KALRN: variants seen among roughly 807,000 people sequenced by gnomAD.
The protein encoded by KALRN is kalirin RhoGEF kinase.
A neutral mutation model predicts 353.7 loss-of-function variants in KALRN; 70 were observed. The ratio of observed to expected loss-of-function variants is 0.20; its 90% CI spans 0.16 to 0.24. The LOEUF is 0.24. Among genes scored for constraint, KALRN ranks in the 10% least tolerant of loss-of-function variants. The pLI, the probability that KALRN is intolerant of heterozygous loss-of-function variation, is 1.00. For synonymous variants in KALRN, 1,391 were observed against 1,434.8 expected, an observed-to-expected ratio of 0.97 and a Z score of 0.69; for missense variants, 2,791 against 3,756.7, an observed-to-expected ratio of 0.74 and a Z score of 6.72.
At chr3:124,645,663 C>CGTGTGT (rs71625766) in intron 37 of KALRN, among the ~76,000 whole-genome samples, 17 of 148,028 alleles carry the variant, frequency 1.1e-4, no homozygotes, top group South Asian at 4.4e-4. Context: ...TCTCTCTGTG[C>CGTGTGT]GTGTGTGTGT....
At chr3:124,135,994 C>A (rs2065876582) in intron 1 of KALRN, among the ~76,000 whole-genome samples, 1 of 152,168 alleles carries the variant, frequency 6.6e-6, no homozygotes, top group African/African-American at 2.4e-5. Context: ...TTGTCCTCAT[C>A]TCCTTACTGC....
At chr3:124,680,945 C>G (rs145582308) in intron 51 of KALRN, among the ~76,000 whole-genome samples, 1 of 152,320 alleles carries the variant, frequency 6.6e-6, no homozygotes, top group African/African-American at 2.4e-5. Context: ...GGCACCAGCT[C>G]TCCTGGAGTT....
At chr3:124,454,229 A>G (rs1026722473) in intron 21 of KALRN, among the ~76,000 whole-genome samples, 1 of 152,238 alleles carries the variant, frequency 6.6e-6, no homozygotes, top group African/African-American at 2.4e-5. Context: ...GCATGTGCCA[A>G]CTTATATGAG....
chr3:124,527,907 G>A (rs753027186), intron 33 of KALRN, among the ~76,000 whole-genome samples: 2 of 152,148 alleles, frequency 1.3e-5, no homozygotes, highest in East Asian at 3.8e-4. Context: ...TTCACATGGC[G>A]AGATTCGTGA....
chr3:124,571,695 T>A (rs909057805), intron 34 of KALRN, among the ~76,000 whole-genome samples: 2 of 152,140 alleles, frequency 1.3e-5, no homozygotes, highest in Admixed American at 1.3e-4. Flanking sequence ...ATTTTTTTTC[T>A]ATTTTTTATT....
chr3:124,220,091 C>T (rs955254691), intron 1 of KALRN, among the ~76,000 whole-genome samples: 1 of 151,966 alleles, frequency 6.6e-6, no homozygotes, highest in Non-Finnish European at 1.5e-5. Flanking sequence ...TTTACAGGCT[C>T]ACACCACCAC....
chr3:124,430,972 G>C (rs2093247581), intron 16 of KALRN, among the ~76,000 whole-genome samples, 197 bp downstream of exon 16: 1 of 152,122 alleles, frequency 6.6e-6, no homozygotes, highest in Admixed American at 6.5e-5. Flanking sequence ...AGGGAGGCCT[G>C]GTATTAGAAA....
chr3:124,694,642 A>G (rs1262010044), intron 53 of KALRN, 139 bp downstream of exon 53: 10 of 803,546 alleles, frequency 1.2e-5, no homozygotes, highest in African/African-American at 1.7e-5. Context: ...TTCTTGGGCA[A>G]ACACTTGGAC....
At chr3:124,554,032 C>T (rs761270980) in intron 33 of KALRN, among the ~76,000 whole-genome samples, 15 of 152,244 alleles carry the variant, frequency 9.9e-5, no homozygotes, top group Non-Finnish European at 2.1e-4. Flanking sequence ...TAGATGTTCT[C>T]TGAAGCCTAG....
chr3:124,251,209 C>T (rs1021039356), intron 3 of KALRN, among the ~76,000 whole-genome samples: 2 of 152,142 alleles, frequency 1.3e-5, no homozygotes, highest in African/African-American at 4.8e-5. Flanking sequence ...CATGCTGGTC[C>T]CTCCAAGGTG....
At chr3:124,288,106 C>G (rs1310045688) in intron 5 of KALRN, among the ~76,000 whole-genome samples, 1 of 151,946 alleles carries the variant, frequency 6.6e-6, no homozygotes, top group African/African-American at 2.4e-5. Context: ...AGCTCCTGAC[C>G]TCAGGTAATC....
At chr3:124,341,405 A>G (rs2081698156) in intron 9 of KALRN, among the ~76,000 whole-genome samples, 1 of 152,204 alleles carries the variant, frequency 6.6e-6, no homozygotes, top group South Asian at 2.1e-4. Context: ...ATGGCTATAA[A>G]CAGTCATTGT....
rs151070107 is a variant in KALRN at position 124,073,741 on chromosome 3, G to A, written c.73+39928G>A. On this transcript the variant is annotated intron_variant, in intron 1 of 59. Coordinates refer to ENST00000682506, the MANE Select transcript of KALRN (RefSeq NM_001388419.1). ...TAAGTAGATAAACACTATTTTACCT[G>A]TTTGGCAAATGAGGATATTGATCTC... Among the ~76,000 whole-genome samples the A allele has an allele frequency of 7.1e-4, 108 of 152,252 alleles. 1 individual carries two copies. The East Asian group carries it at 0.018, about 25-fold the overall frequency.
At chr3:124,225,466 C>G (rs975917539) in intron 1 of KALRN, among the ~76,000 whole-genome samples, 13 of 152,214 alleles carry the variant, frequency 8.5e-5, no homozygotes, top group African/African-American at 3.1e-4. Flanking sequence ...GCAGTGGCCT[C>G]TACAGGGTCA....
At chr3:124,594,126 C>T (rs564768355) in intron 34 of KALRN, among the ~76,000 whole-genome samples, 5 of 152,314 alleles carry the variant, frequency 3.3e-5, no homozygotes, top group South Asian at 2.1e-4. Context: ...TATTCTTTTC[C>T]GTATGTTTAC....
intron 34 of KALRN, among the ~76,000 whole-genome samples, chr3:124,612,250 C>A (rs1245512530): frequency 1.3e-5 from 2 of 152,074 alleles, no homozygotes; most frequent in African/African-American, 4.8e-5. Flanking sequence ...ATTACCCAGG[C>A]TGGAGTGCAA....
chr3:124,066,066 G>A (rs1281421621), intron 1 of KALRN, among the ~76,000 whole-genome samples: 1 of 152,196 alleles, frequency 6.6e-6, no homozygotes, highest in Non-Finnish European at 1.5e-5. Flanking sequence ...TGGCCTGAGT[G>A]TTGTCAGGGA....
chr3:124,414,816 G>A (rs943393492), intron 14 of KALRN, among the ~76,000 whole-genome samples: 7 of 152,180 alleles, frequency 4.6e-5, no homozygotes, highest in Admixed American at 2.0e-4. Flanking sequence ...ACACGAGGTA[G>A]ACAGGAGCTA....
intron 38 of KALRN, 145 bp downstream of exon 38, chr3:124,651,083 C>A: frequency 1.0e-6 from 1 of 961,790 alleles, no homozygotes; most frequent in Non-Finnish European, 1.5e-6. Context: ...TACAGCATAG[C>A]ACTGATAAAC....
Sources: gnomAD v4.1 joint callset for allele counts (sites outside exome capture counted in the v4.1 genomes callset) on GRCh38, gnomAD v4.1.1 for gene constraint, MANE v1.5 for transcripts, NCBI Gene and HGNC (gene_info 2026-07-23, HGNC 2026-07-21) for gene names.